The following CCDC7 variants were observed in gnomAD, a reference collection of about 807,000 sequenced individuals.
CCDC7 encodes coiled-coil domain-containing protein 7.
A neutral mutation model predicts 196.9 loss-of-function variants in CCDC7; 183 were observed. That is an observed-to-expected ratio of 0.93 (90% CI 0.82 to 1.05). The LOEUF (loss-of-function observed/expected upper bound fraction) is 1.05. Ranked by LOEUF, CCDC7 falls within the 50% of genes least tolerant of loss-of-function variation. CCDC7 has a pLI of 0.00. For missense variants in CCDC7, 1,540 were observed against 1,482.2 expected (o/e 1.04, Z -0.64); for synonymous variants, 525 against 484.6 (o/e 1.08, Z -1.10).
chr10:32,472,437 T>C (rs746324235), intron 6 of CCDC7, 44 bp from the exon 8 acceptor site: 38 of 1,509,112 alleles, frequency 2.5e-5, no homozygotes, highest in Non-Finnish European at 1.8e-6. Flanking sequence ...AAACTCTTAC[T>C]CTTTGATATA....
intron 20 of CCDC7, among the ~76,000 whole-genome samples, chr10:32,650,964 C>A (rs1245053612): frequency 6.6e-6 from 1 of 152,152 alleles, no homozygotes; most frequent in Non-Finnish European, 1.5e-5. Context: ...AGATGTGCCC[C>A]AGTCCCACAG....
chr10:32,516,448 C>T (rs7088927), intron 9 of CCDC7, among the ~76,000 whole-genome samples: 20,378 of 151,962 alleles, frequency 0.13, 1,617 homozygotes, highest in African/African-American at 0.22. Context: ...CCACCACACC[C>T]GGCTAATTTT....
intron 24 of CCDC7, among the ~76,000 whole-genome samples, chr10:32,696,926 C>A (rs978501620): frequency 4.6e-5 from 7 of 152,086 alleles, no homozygotes; most frequent in Admixed American, 4.6e-4. Flanking sequence ...GGTCCTCAAC[C>A]TTTTTGCACC....
intron 20 of CCDC7, among the ~76,000 whole-genome samples, chr10:32,642,103 C>T (rs897879907): frequency 5.3e-5 from 8 of 152,180 alleles, no homozygotes; most frequent in Admixed American, 5.2e-4. Context: ...GGTCAGGGAC[C>T]CACTTGAGGA....
At chr10:32,448,973 A>G (rs186662854), upstream of CCDC7, among the ~76,000 whole-genome samples, 1 of 151,812 alleles carries the variant, frequency 6.6e-6, no homozygotes, top group Non-Finnish European at 1.5e-5. Context: ...TATTCTTTGC[A>G]TCAGTTTTTA....
chr10:32,626,924 G>A (rs1369576054), intron 18 of CCDC7, among the ~76,000 whole-genome samples: 1 of 151,710 alleles, frequency 6.6e-6, no homozygotes, highest in Non-Finnish European at 1.5e-5. Context: ...TACTTTTTTT[G>A]GCAGTACCAT....
intron 28 of CCDC7, among the ~76,000 whole-genome samples, chr10:32,742,261 C>T (rs1206320541): frequency 6.6e-6 from 1 of 152,002 alleles, no homozygotes; most frequent in African/African-American, 2.4e-5. Flanking sequence ...TCTGCCATTC[C>T]CCCCACACAG....
intron 18 of CCDC7, among the ~76,000 whole-genome samples, chr10:32,615,068 T>C (rs2062632722): frequency 6.6e-6 from 1 of 152,214 alleles, no homozygotes; most frequent in African/African-American, 2.4e-5. Flanking sequence ...ATTCTCTTTA[T>C]CCATTCCTCT....
intron 9 of CCDC7, chr10:32,513,273 AAAACCCAAACT>A (rs1346160883): frequency 6.6e-6 from 1 of 152,184 alleles, no homozygotes; most frequent in East Asian, 1.9e-4. Context: ...TATCTCTAGA[AAAACCCAAACT>A]AAACTGTATC....
intron 8 of CCDC7, among the ~76,000 whole-genome samples, chr10:32,487,181 G>A (rs879074159): frequency 1.2e-4 from 19 of 152,050 alleles, no homozygotes; most frequent in African/African-American, 2.9e-4. Flanking sequence ...GGCTTTGTTC[G>A]TTTCTTTTTA....
chr10:32,504,583 C>A (rs991629463), intron 9 of CCDC7, among the ~76,000 whole-genome samples: 3 of 152,182 alleles, frequency 2.0e-5, no homozygotes, highest in African/African-American at 7.2e-5. Flanking sequence ...TGCTGCATTT[C>A]ATGAGTTTTA....
intron 28 of CCDC7, among the ~76,000 whole-genome samples, chr10:32,765,725 G>A (rs2078180894): frequency 6.6e-6 from 1 of 151,976 alleles, no homozygotes; most frequent in South Asian, 2.1e-4. Flanking sequence ...GAAAACAGGT[G>A]GATCTCAGAA....
chr10:32,698,149 G>A (rs1591714166), intron 24 of CCDC7, among the ~76,000 whole-genome samples: 1 of 152,068 alleles, frequency 6.6e-6, no homozygotes, highest in Non-Finnish European at 1.5e-5. Flanking sequence ...GAAAGGAATG[G>A]CATCAATATC....
chr10:32,638,037 T>A (rs1478148773), intron 20 of CCDC7, among the ~76,000 whole-genome samples: 1 of 152,150 alleles, frequency 6.6e-6, no homozygotes, highest in Admixed American at 6.6e-5. Context: ...TGTTTGTCTG[T>A]TATTGGTGTA....
chr10:32,564,383 A>G (rs1200194426), intron 13 of CCDC7, among the ~76,000 whole-genome samples: 2 of 152,190 alleles, frequency 1.3e-5, no homozygotes, highest in Non-Finnish European at 2.9e-5. Flanking sequence ...TCACAATAGC[A>G]GAGACTTGGA....
chr10:32,813,513 C>T (rs908912885), intron 30 of CCDC7, among the ~76,000 whole-genome samples: 23 of 152,114 alleles, frequency 1.5e-4, no homozygotes, highest in African/African-American at 4.3e-4. Flanking sequence ...AATTACATAA[C>T]GTAAAAAGGG....
intron 24 of CCDC7, among the ~76,000 whole-genome samples, chr10:32,709,073 A>G (rs546927935): frequency 1.9e-4 from 29 of 152,264 alleles, no homozygotes; most frequent in Middle Eastern, 6.8e-3. Context: ...AACCAACCCA[A>G]ATGTCCCTCA....
Position 32,860,833 on chromosome 10 carries a change from C to T in CCDC7, c.4111+6344C>T, listed in dbSNP as rs1009330731. Reference sequence around the variant, plus strand: ...CAATTGCTACAAAGAGAATCAAATACCTAGGAATCCAACTTACAAGGGATG... The same window carrying T: ...CAATTGCTACAAAGAGAATCAAATATCTAGGAATCCAACTTACAAGGGATG... On this transcript the variant is annotated intron_variant, in intron 41 of 41. Coordinates refer to ENST00000639629, the Ensembl canonical transcript of CCDC7. Among the ~76,000 whole-genome samples the T allele has an allele frequency of 1.6e-4, 25 of 152,138 alleles. 1 individual carries two copies. Among genetic ancestry groups the T allele is most frequent in the Admixed American group, 1.6e-3 (24 of 15,276 alleles).
intron 31 of CCDC7, among the ~76,000 whole-genome samples, chr10:32,816,049 C>T (rs1460046394): frequency 6.6e-6 from 1 of 152,020 alleles, no homozygotes; most frequent in Non-Finnish European, 1.5e-5. Context: ...ATCACCTCAC[C>T]CGGGAAGTGC....
Sources: allele counts gnomAD v4.1 joint callset (sites outside exome capture counted in the v4.1 genomes callset), GRCh38; gene constraint gnomAD v4.1.1; transcripts MANE v1.5; gene names NCBI Gene and HGNC (gene_info 2026-07-23, HGNC 2026-07-21).